Variants in SGCD observed in about 807,000 individuals in gnomAD.
SGCD encodes the protein delta-sarcoglycan.
In SGCD, 18 loss-of-function variants were observed where a neutral mutation model predicts 36.6. The observed-to-expected ratio is 0.49, with a 90% CI of 0.34 to 0.73. SGCD has a LOEUF of 0.73. Ranked by LOEUF, SGCD falls within the 30% of genes least tolerant of loss-of-function variation. The pLI is 0.01. For synonymous variants in SGCD, 133 were observed against 130.6 expected, an observed-to-expected ratio of 1.02 and a Z score of -0.12; for missense variants, 387 against 346.7, an observed-to-expected ratio of 1.12 and a Z score of -0.92.
chr5:156,504,390 GTGTATATATATATATATATATA>G (rs1756601022), intron 3 of SGCD, among the ~76,000 whole-genome samples: 5 of 126,466 alleles, frequency 4.0e-5, no homozygotes, highest in Admixed American at 7.6e-5. Flanking sequence ...GGGTGTGTGT[GTGTATATATATATATATATATA>G]TATATATATA....
At chr5:155,874,709 A>T (rs961582549) in intron 1 of SGCD, among the ~76,000 whole-genome samples, 1 of 152,072 alleles carries the variant, frequency 6.6e-6, no homozygotes, top group Non-Finnish European at 1.5e-5. Flanking sequence ...CCACAAGGAG[A>T]TACCAACACA....
chr5:156,145,501 C>A lies in SGCD; in HGVS notation c.-44+21482C>A, dbSNP rs376666703. Among the ~76,000 whole-genome samples the A allele has an allele frequency of 5.8e-4, 89 of 152,214 alleles. 1 individual carries two copies. The South Asian group carries it at 0.018, about 31-fold the overall frequency. On this transcript the variant is annotated intron_variant, in intron 3 of 9. Transcript: ENST00000517913. ...TCATAATAAGGGCATTTTAAAGCAT[C>A]AAGATTTTTAGGCCCCTCTATATCC...
At chr5:156,178,236 T>C (rs1388495997) in intron 3 of SGCD, among the ~76,000 whole-genome samples, 1 of 152,196 alleles carries the variant, frequency 6.6e-6, no homozygotes, top group Non-Finnish European at 1.5e-5. Context: ...AGTTGAATCA[T>C]TATAAGTTGG....
At position 156,416,123 on chromosome 5, in the gene SGCD, T is replaced by A. The variant is rs78319663; in HGVS notation, c.192+71446T>A. 6.4e-3 allele frequency among the ~76,000 whole-genome samples: 975 copies of A among 152,306 alleles called. 11 individuals carry two copies. Among genetic ancestry groups the A allele is most frequent in the African/African-American group, 0.022 (914 of 41,558 alleles). On this transcript the variant is annotated intron_variant, in intron 3 of 8. Coordinates refer to ENST00000337851, the MANE Select transcript of SGCD (RefSeq NM_000337.6). ...TGCTGGACAAATGTCTGGGAGGAAA[T>A]GCCCATCAATCAAGTGGATAAAGGA... is the stretch of plus-strand genomic sequence containing the variant.
intron 7 of SGCD, among the ~76,000 whole-genome samples, chr5:156,725,840 T>C (rs1386739333): frequency 5.9e-5 from 9 of 152,104 alleles, no homozygotes; most frequent in Non-Finnish European, 8.8e-5. Flanking sequence ...TCTTCCCATC[T>C]TTGAAGAAAA....
intron 1 of SGCD, among the ~76,000 whole-genome samples, chr5:156,005,593 G>A (rs1371505047): frequency 1.3e-5 from 2 of 152,110 alleles, no homozygotes; most frequent in African/African-American, 4.8e-5. Flanking sequence ...TGGGACTACA[G>A]GCGCCTGCCG....
rs992474855 is a variant in SGCD, at chr5:156,762,126, A to G, written c.*2736A>G. The G allele has an allele frequency of 1.3e-5, 2 of 152,586 alleles. No individual in the cohort carries two copies. Among genetic ancestry groups the G allele is most frequent in the African/African-American group, 4.8e-5 (2 of 41,418 alleles). 9.5% of individuals were successfully genotyped at this position (152,586 alleles called of 1,614,324 possible). On this transcript the variant is annotated 3_prime_UTR_variant, in exon 9 of 9. Coordinates refer to ENST00000337851, the MANE Select transcript of SGCD (RefSeq NM_000337.6). ...TTGGGGGCCGGCGGGGAGCTTTTAC[A>G]TTAAAAATCTACTAACGCCTACTTT...
At chr5:156,141,050 C>T (rs935533872) in intron 3 of SGCD, among the ~76,000 whole-genome samples, 2 of 152,156 alleles carry the variant, frequency 1.3e-5, no homozygotes, top group African/African-American at 2.4e-5. Context: ...TGCTACTTGA[C>T]CACCCTAGCT....
intron 3 of SGCD, among the ~76,000 whole-genome samples, chr5:156,363,744 TTTC>T (rs1264376624): frequency 6.6e-6 from 1 of 152,218 alleles, no homozygotes; most frequent in Non-Finnish European, 1.5e-5. Flanking sequence ...GCAATGAAAT[TTTC>T]TTATTAGTTC....
At chr5:155,969,041 T>G (rs1318235507) in intron 1 of SGCD, among the ~76,000 whole-genome samples, 3 of 152,164 alleles carry the variant, frequency 2.0e-5, no homozygotes, top group Non-Finnish European at 4.4e-5. Flanking sequence ...ATTCATCTGT[T>G]ATGTATATAC....
rs1057302338 is a variant in SGCD, at chr5:156,056,350, A to G, written c.-281-61528A>G. On this transcript the variant is annotated intron_variant, in intron 1 of 9. Transcript: ENST00000517913. The stretch of plus-strand genomic sequence containing the variant: ...ACTGCCTTTGTAGGACTAACAAATT[A>G]TGGTTTAGGAGTCATGCAGCCAGGG... 1.8e-4 allele frequency among the ~76,000 whole-genome samples: 27 copies of G among 145,962 alleles called. 2 individuals are homozygous for G. The highest frequency in any genetic ancestry group is 6.2e-4 in the African/African-American group (25 of 40,620).
intron 6 of SGCD, among the ~76,000 whole-genome samples, chr5:156,620,702 A>T (rs1260157257): frequency 6.6e-6 from 1 of 152,220 alleles, no homozygotes; most frequent in Non-Finnish European, 1.5e-5. Flanking sequence ...GAGGAGGTGG[A>T]ATGAGCTGCC....
At chr5:156,128,986 T>C (rs1254813269) in intron 3 of SGCD, among the ~76,000 whole-genome samples, 2 of 152,158 alleles carry the variant, frequency 1.3e-5, no homozygotes, top group Non-Finnish European at 1.5e-5. Context: ...ATTTTATGTA[T>C]ATGAAATTAG....
intron 3 of SGCD, among the ~76,000 whole-genome samples, chr5:156,265,116 G>A (rs1185722723): frequency 1.3e-5 from 2 of 152,090 alleles, no homozygotes; most frequent in Non-Finnish European, 1.5e-5. Flanking sequence ...TACCACTGAA[G>A]GCAATAGAAA....
chr5:156,522,281 A>G (rs563344004), intron 4 of SGCD, among the ~76,000 whole-genome samples: 2 of 152,298 alleles, frequency 1.3e-5, no homozygotes, highest in East Asian at 3.9e-4. Flanking sequence ...AACATGGCAC[A>G]TGTATACCTA....
At chr5:156,577,137 G>A (rs536100132) in intron 4 of SGCD, among the ~76,000 whole-genome samples, 1 of 152,184 alleles carries the variant, frequency 6.6e-6, no homozygotes, top group African/African-American at 2.4e-5. Flanking sequence ...TCTACATACG[G>A]CTAGCCAGTT....
chr5:156,518,303 A>G (rs1385315461), intron 4 of SGCD, among the ~76,000 whole-genome samples: 2 of 152,178 alleles, frequency 1.3e-5, no homozygotes, highest in East Asian at 1.9e-4. Flanking sequence ...CTAAATATAT[A>G]TGCACCCAAA....
intron 7 of SGCD, among the ~76,000 whole-genome samples, chr5:156,672,388 T>TA (rs1753334002): frequency 6.6e-6 from 1 of 152,154 alleles, no homozygotes; most frequent in African/African-American, 2.4e-5. Context: ...AAACAGTCTC[T>TA]AGGGGTCTTA....
intron 4 of SGCD, among the ~76,000 whole-genome samples, chr5:156,521,935 G>A (rs1442033881): frequency 6.6e-6 from 1 of 152,114 alleles, no homozygotes; most frequent in African/African-American, 2.4e-5. Context: ...GCAAAGACAT[G>A]GAATCAACCC....
Sources: gnomAD v4.1 joint callset for allele counts (sites outside exome capture counted in the v4.1 genomes callset) on GRCh38, gnomAD v4.1.1 for gene constraint, MANE v1.5 for transcripts, NCBI Gene and HGNC (gene_info 2026-07-23, HGNC 2026-07-21) for gene names.